Variants in HYCC2 observed in about 807,000 individuals in gnomAD.
HYCC2 encodes hyccin 2.
the HYCC2 span, among the ~76,000 whole-genome samples, chr2:201,069,093 C>T: frequency 1.3e-5 from 2 of 152,262 alleles, no homozygotes; most frequent in East Asian, 1.9e-4. Context: ...CAGTTTTTCA[C>T]TATGTAGCAT....
At chr2:201,000,970 C>CAA in the HYCC2 span, among the ~76,000 whole-genome samples, 8 of 58,152 alleles carry the variant, frequency 1.4e-4, no homozygotes, top group East Asian at 4.5e-4. Flanking sequence ...CCTGTCTCTA[C>CAA]AAAAAAAAAA....
the HYCC2 span, chr2:200,979,645 A>G: frequency 1.3e-5 from 2 of 152,656 alleles, no homozygotes; most frequent in African/African-American, 4.8e-5. Context: ...TAAATTCAGT[A>G]TATTTTTCTT....
the HYCC2 span, among the ~76,000 whole-genome samples, chr2:201,040,459 G>T: frequency 7.5e-3 from 1,010 of 135,100 alleles, 6 homozygotes; most frequent in African/African-American, 0.025. Context: ...TATTGCTTTT[G>T]TTTTTTTTTT....
chr2:200,989,136 TTC>T, the HYCC2 span, among the ~76,000 whole-genome samples: 3 of 152,216 alleles, frequency 2.0e-5, no homozygotes, highest in African/African-American at 7.2e-5. Flanking sequence ...CGAACTATTT[TTC>T]TGTTTATCAC....
the HYCC2 span, chr2:200,981,114 T>G: frequency 1.2e-6 from 1 of 836,074 alleles, no homozygotes; most frequent in East Asian, 2.5e-5. This position sits in a 1 kb window ranked among gnomAD's most constrained non-coding sequence, Gnocchi z 4.5. Context: ...AAAACCTTAT[T>G]GCTGTTTTGA....
At chr2:200,984,360 T>A in the HYCC2 span, among the ~76,000 whole-genome samples, 1 of 152,162 alleles carries the variant, frequency 6.6e-6, no homozygotes, top group East Asian at 1.9e-4. Flanking sequence ...TAATCTTAAC[T>A]CCAGCTTTAA....
chr2:201,025,176 T>C, the HYCC2 span, among the ~76,000 whole-genome samples: 1 of 152,076 alleles, frequency 6.6e-6, no homozygotes, highest in African/African-American at 2.4e-5. Context: ...AGCTGTAGGA[T>C]GTAAACTGTA....
At chr2:200,998,768 G>A in the HYCC2 span, among the ~76,000 whole-genome samples, 1 of 152,250 alleles carries the variant, frequency 6.6e-6, no homozygotes, top group East Asian at 1.9e-4. Flanking sequence ...TAGGAACTAG[G>A]GAAGTTGTAC....
At chr2:201,029,164 C>G in the HYCC2 span, among the ~76,000 whole-genome samples, 1 of 152,168 alleles carries the variant, frequency 6.6e-6, no homozygotes, top group Non-Finnish European at 1.5e-5. Flanking sequence ...ACAGACACTT[C>G]TCAAAAGAAA....
the HYCC2 span, among the ~76,000 whole-genome samples, chr2:200,983,299 T>C: frequency 6.6e-6 from 1 of 152,156 alleles, no homozygotes; most frequent in Non-Finnish European, 1.5e-5. Flanking sequence ...ACAGGTAAGG[T>C]AAAAATGTTA....
the HYCC2 span, chr2:200,987,291 G>A: frequency 8.3e-7 from 1 of 1,205,448 alleles, no homozygotes; most frequent in Admixed American, 2.6e-5. Flanking sequence ...AAGATGCTCT[G>A]CTTGGGGATA....
the HYCC2 span, among the ~76,000 whole-genome samples, chr2:201,057,162 T>C: frequency 6.6e-6 from 1 of 152,134 alleles, no homozygotes; most frequent in Non-Finnish European, 1.5e-5. Context: ...AAGTGAGTGT[T>C]CCGATCCTCC....
At chr2:200,987,515 T>C in the HYCC2 span, 4 of 1,289,836 alleles carry the variant, frequency 3.1e-6, no homozygotes, top group South Asian at 1.2e-5. Flanking sequence ...TCAGCCTCGT[T>C]TGAGAAGTCA....
At chr2:201,048,972 A>G in the HYCC2 span, among the ~76,000 whole-genome samples, 1 of 151,858 alleles carries the variant, frequency 6.6e-6, no homozygotes, top group Non-Finnish European at 1.5e-5. Context: ...AAACAAACAA[A>G]AAAACAACAA....
At chr2:200,987,890 G>C in the HYCC2 span, among the ~76,000 whole-genome samples, 2 of 152,124 alleles carry the variant, frequency 1.3e-5, no homozygotes, top group Non-Finnish European at 2.9e-5. Context: ...TTTATGAATA[G>C]CTTGCATTAT....
chr2:201,011,882 T>TA, the HYCC2 span, among the ~76,000 whole-genome samples: 1 of 152,196 alleles, frequency 6.6e-6, no homozygotes, highest in African/African-American at 2.4e-5. Flanking sequence ...GATCCACACT[T>TA]ACGAAAACAA....
the HYCC2 span, chr2:201,063,594 C>T: frequency 3.2e-6 from 5 of 1,580,780 alleles, no homozygotes; most frequent in South Asian, 2.2e-5. Context: ...AAATACCACA[C>T]TGTGAATGGC....
chr2:201,068,024 C>T, the HYCC2 span, among the ~76,000 whole-genome samples: 1 of 152,136 alleles, frequency 6.6e-6, no homozygotes, highest in Non-Finnish European at 1.5e-5. Context: ...GTGGCTCACA[C>T]CTGTAATCCC....
At chr2:201,016,278 T>C in the HYCC2 span, among the ~76,000 whole-genome samples, 1 of 152,212 alleles carries the variant, frequency 6.6e-6, no homozygotes, top group Non-Finnish European at 1.5e-5. Flanking sequence ...GTTACACTTA[T>C]AGACATTTGA....
Sources: gnomAD v4.1 joint callset for allele counts (sites outside exome capture counted in the v4.1 genomes callset) on GRCh38, gnomAD v4.1.1 for gene constraint, Gnocchi (gnomAD v3.1) non-coding constraint, MANE v1.5 for transcripts, NCBI Gene and HGNC (gene_info 2026-07-23, HGNC 2026-07-21) for gene names.